DIPK1C: variants seen among roughly 807,000 people sequenced by gnomAD.
DIPK1C encodes familial non-conventional Alzheimer's dementia.
Under a neutral mutation model 28.0 loss-of-function variants are expected in DIPK1C, and 33 were observed. That is an observed-to-expected ratio of 1.18 (90% confidence interval 0.89 to 1.58). DIPK1C has a LOEUF of 1.58. Among genes scored for constraint, DIPK1C ranks in the 40% most tolerant of loss-of-function variants. DIPK1C has a pLI of 0.00. For missense variants in DIPK1C, 569 were observed against 568.5 expected (o/e 1.00, Z -0.01); for synonymous variants, 255 against 248.8 (o/e 1.02, Z -0.23).
chr18:74,455,589 G>A (rs533669859), intron 1 of DIPK1C, among the ~76,000 whole-genome samples: 87 of 152,118 alleles, frequency 5.7e-4, no homozygotes, highest in Non-Finnish European at 9.7e-4. Flanking sequence ...TTGGGAGTTC[G>A]AGACGAGCCT....
chr18:74,436,790 T>A (rs1158998569), intron 3 of DIPK1C, 71 bp from the exon 4 acceptor site: 1 of 1,417,706 alleles, frequency 7.1e-7, no homozygotes, highest in African/African-American at 1.4e-5. Context: ...AGCCCAGGAT[T>A]GGTTCTGAAA....
chr18:74,442,589 A>C (rs1229224097), intron 2 of DIPK1C, among the ~76,000 whole-genome samples: 1 of 152,166 alleles, frequency 6.6e-6, no homozygotes, highest in Non-Finnish European at 1.5e-5. Flanking sequence ...TCGGCCTCCC[A>C]AAGTGCTGGG....
rs183719136 is a variant in DIPK1C at position 74,439,471 on chromosome 18, T to C, written c.1041+2481A>G. Among the ~76,000 whole-genome samples, 720 of 152,298 alleles carry C rather than the reference T, an allele frequency of 4.7e-3. 5 individuals are homozygous for C. The highest frequency in any genetic ancestry group is 0.017 in the African/African-American group (686 of 41,562). On this transcript the variant is annotated intron_variant, in intron 3 of 3. Transcript: ENST00000343998. ...GACAGTTTTTATTCCATTTCATTGA[T>C]TTGTAAATTTATATAGAGCAAGAAT...
At chr18:74,441,815 C>G in intron 3 of DIPK1C, 137 bp downstream of exon 3, 2 of 1,020,870 alleles carry the variant, frequency 2.0e-6, no homozygotes, top group Non-Finnish European at 2.9e-6. Flanking sequence ...ACCGTCCTGC[C>G]TTTATTGACC....
intron 1 of DIPK1C, among the ~76,000 whole-genome samples, chr18:74,455,679 G>A (rs1379941670): frequency 7.6e-6 from 1 of 131,510 alleles, no homozygotes; most frequent in East Asian, 2.6e-4. Context: ...GGTGAGCCGA[G>A]ATCACGCCAT....
intron 1 of DIPK1C, among the ~76,000 whole-genome samples, chr18:74,448,650 C>T (rs1042634164): frequency 5.9e-5 from 9 of 152,136 alleles, no homozygotes; most frequent in South Asian, 2.1e-4. Context: ...AGTGTATGCA[C>T]GAGCACCAGG....
chr18:74,458,728 AC>A (rs1269284797), upstream of DIPK1C, among the ~76,000 whole-genome samples: 1 of 149,636 alleles, frequency 6.7e-6, no homozygotes, highest in African/African-American at 2.5e-5. Flanking sequence ...CACACGCCCA[AC>A]CAGAAGTACC....
Position 74,457,255 on chromosome 18 carries a change from G to T in DIPK1C, c.5C>A (p.Ala2Glu), listed in dbSNP as rs2144534968. 2 of 996,602 alleles carry T rather than the reference G, an allele frequency of 2.0e-6. No individual in the cohort carries two copies. Among genetic ancestry groups the T allele is most frequent in the African/African-American group, 1.8e-5 (1 of 56,942 alleles). The allele number at this position is 996,602 out of a possible 1,614,324, so 61.7% of individuals were successfully genotyped here. ...AGGGCCCCGCGCGCCCGCCGCCCGC[G>T]CCATGGCCAGCCCTGCCCGCGCCCG... M[A>E]RAAGARGPAG... The change falls in exon 1 of 4, where the codon GCG (alanine) becomes GAG (glutamate). Residue 2 changes from alanine (A) to glutamate (E), a missense_variant. Ala to Glu is a moderately radical substitution (Grantham distance 107). Transcript: ENST00000343998.
chr18:74,457,134 C>A lies in DIPK1C; in HGVS notation c.126G>T (p.Leu42=). Residue 42 remains leucine (L), a synonymous_variant, in exon 1 of 4, where the codon CTG becomes CTT. Coordinates refer to ENST00000343998, the MANE Select transcript of DIPK1C (RefSeq NM_001044369.3). ...TAGWVLAAAL[L]LRAHPGVLSE... Reference sequence around the variant, plus strand: ...AGAGGACACCCGGGTGCGCGCGGAGCAGCAGCGCGGCCGCCAGCACCCAGC... The same window carrying A: ...AGAGGACACCCGGGTGCGCGCGGAGAAGCAGCGCGGCCGCCAGCACCCAGC... The A allele has an allele frequency of 2.1e-6, 3 of 1,439,744 alleles. No individual in the cohort carries two copies. Among genetic ancestry groups the A allele is most frequent in the Non-Finnish European group, 2.7e-6 (3 of 1,102,750 alleles). 89.2% of individuals were successfully genotyped at this position (1,439,744 alleles called of 1,614,324 possible). A position where few individuals can be genotyped will look rare whatever the true frequency, so the allele number is the denominator to read the frequency against.
upstream of DIPK1C, among the ~76,000 whole-genome samples, chr18:74,462,414 G>T (rs1240705605): frequency 6.6e-6 from 1 of 152,138 alleles, no homozygotes; most frequent in Non-Finnish European, 1.5e-5. Context: ...TCACTACTTT[G>T]TTCATTTTGT....
At chr18:74,457,525 T>C (rs974225155), upstream of DIPK1C, among the ~76,000 whole-genome samples, 1 of 152,164 alleles carries the variant, frequency 6.6e-6, no homozygotes, top group African/African-American at 2.4e-5. Context: ...TTGCACTTTT[T>C]TCCCCCAAGA....
At chr18:74,459,382 A>G (rs887645585), upstream of DIPK1C, among the ~76,000 whole-genome samples, 2 of 152,240 alleles carry the variant, frequency 1.3e-5, no homozygotes, top group African/African-American at 4.8e-5. Flanking sequence ...TTCAGAAGAA[A>G]ATAAACTTAT....
At chr18:74,461,293 C>T (rs1986612151), upstream of DIPK1C, among the ~76,000 whole-genome samples, 6 of 152,098 alleles carry the variant, frequency 3.9e-5, no homozygotes, top group South Asian at 1.2e-3. Context: ...ATTCTTGAAC[C>T]TCATGCCTCC....
Position 74,435,316 on chromosome 18 carries a change from T to C in DIPK1C, c.*1185A>G, listed in dbSNP as rs1184078092. On this transcript the variant is annotated 3_prime_UTR_variant, in exon 4 of 4. Transcript: ENST00000343998. ...TTGTTGAGCACTCGTGGGTCACAGT[T>C]ATGGGTAGAAACCAGGTCCCTTTAA... 6.6e-6 allele frequency: 1 copy of C among 152,194 alleles called. No homozygotes were observed. The highest frequency in any genetic ancestry group is 6.5e-5 in the Admixed American group (1 of 15,278). The allele number at this position is 152,194 out of a possible 1,614,324, so 9.4% of individuals were successfully genotyped here.
chr18:74,459,475 G>A (rs12606654), upstream of DIPK1C, among the ~76,000 whole-genome samples: 20,426 of 152,252 alleles, frequency 0.13, 1,911 homozygotes, highest in East Asian at 0.33. Context: ...AAGGTGGAGA[G>A]TGCAGCTTAG....
chr18:74,436,254 C>T lies in DIPK1C; in HGVS notation c.*247G>A. 1.9e-6 allele frequency: 1 copy of T among 521,894 alleles called. No homozygotes were observed. The highest frequency in any genetic ancestry group is 3.1e-5 in the East Asian group (1 of 31,786). The allele number at this position is 521,894 out of a possible 1,614,324, so 32.3% of individuals were successfully genotyped here. A position where few individuals can be genotyped will look rare whatever the true frequency, so the allele number is the denominator to read the frequency against. On this transcript the variant is annotated 3_prime_UTR_variant, in exon 4 of 4. Coordinates refer to ENST00000343998, the MANE Select transcript of DIPK1C (RefSeq NM_001044369.3). ...CAGGTTGGTGTCTTCTGACCGAGAGCCCTCCTGAAGGGAGGTCTGTACCTC... is the reference window on the plus strand; with the variant it reads ...CAGGTTGGTGTCTTCTGACCGAGAGTCCTCCTGAAGGGAGGTCTGTACCTC...
intron 1 of DIPK1C, among the ~76,000 whole-genome samples, chr18:74,449,547 C>T (rs7242425): frequency 0.69 from 104,877 of 152,146 alleles, 36,929 homozygotes; most frequent in Non-Finnish European, 0.77. Context: ...CTGACTGCCC[C>T]CCTGGCTTCC....
intron 3 of DIPK1C, among the ~76,000 whole-genome samples, chr18:74,438,948 G>T (rs1986058280): frequency 6.6e-6 from 1 of 152,230 alleles, no homozygotes; most frequent in Non-Finnish European, 1.5e-5. Flanking sequence ...GGCGAAGCCA[G>T]TCCTGGGGAG....
intron 2 of DIPK1C, among the ~76,000 whole-genome samples, chr18:74,442,523 G>A (rs1177039552): frequency 6.6e-6 from 1 of 152,086 alleles, no homozygotes; most frequent in South Asian, 2.1e-4. Flanking sequence ...TAGAGACGGG[G>A]TTTCACCGTG....
Sources: gnomAD v4.1 joint callset for allele counts (sites outside exome capture counted in the v4.1 genomes callset) on GRCh38, gnomAD v4.1.1 for gene constraint, MANE v1.5 for transcripts, NCBI Gene and HGNC (gene_info 2026-07-23, HGNC 2026-07-21) for gene names.